The following MLKL variants were observed in gnomAD, a reference collection of about 807,000 sequenced individuals.
MLKL encodes the protein mixed lineage kinase domain-like protein.
MLKL carries 55 observed loss-of-function variants against 56.5 expected under a neutral mutation model. The ratio of observed to expected loss-of-function variants is 0.97; its 90% CI spans 0.78 to 1.22. MLKL has a LOEUF of 1.22. MLKL is among the 50% of genes most tolerant of loss of function. The pLI is 0.00. For synonymous variants in MLKL, 251 were observed against 208.3 expected (o/e 1.20, Z -1.76); for missense variants, 694 against 573.9 (o/e 1.21, Z -2.14).
At chr16:74,678,063 G>A (rs1170888895) in intron 7 of MLKL, 2 of 152,284 alleles carry the variant, frequency 1.3e-5, no homozygotes, top group East Asian at 3.8e-4. Context: ...CAGAGATGCT[G>A]ACTCCTGCAG....
chr16:74,679,763 C>G (rs949784352), intron 6 of MLKL, among the ~76,000 whole-genome samples: 1 of 151,864 alleles, frequency 6.6e-6, no homozygotes, highest in Non-Finnish European at 1.5e-5. Context: ...TGCAGTGAGC[C>G]GAGATCACGC....
intron 5 of MLKL, among the ~76,000 whole-genome samples, chr16:74,683,455 G>T (rs979429217): frequency 6.6e-6 from 1 of 151,792 alleles, no homozygotes; most frequent in Non-Finnish European, 1.5e-5. Flanking sequence ...AATTAGCCAG[G>T]TGTGGTGGGA....
chr16:74,681,864 A>G (rs1013311745), intron 6 of MLKL, among the ~76,000 whole-genome samples: 1 of 152,146 alleles, frequency 6.6e-6, no homozygotes, highest in Non-Finnish European at 1.5e-5. Flanking sequence ...TAAGCAATGA[A>G]TATATAGATT....
chr16:74,680,608 G>A lies in MLKL; in HGVS notation c.957-1628C>T, dbSNP rs545891123. On this transcript the variant is annotated intron_variant, in intron 6 of 10. Coordinates refer to ENST00000308807, the MANE Select transcript of MLKL (RefSeq NM_152649.4). ...TGCAACCTCTGCCTCCCAGGTTCAA[G>A]CGATTCTCCTGCCTCAGCCTTACGA... Among the ~76,000 whole-genome samples, 49 of 152,260 alleles carry A rather than the reference G, an allele frequency of 3.2e-4. No individual in the cohort carries two copies. The South Asian group carries it at 9.7e-3, about 30-fold the overall frequency.
In MLKL at chr16:74,675,745, C is replaced by T. The variant is rs1396312276; in HGVS notation, c.1058G>A (p.Arg353Lys). The T allele has an allele frequency of 1.9e-6, 3 of 1,614,036 alleles. No individual in the cohort carries two copies. Among genetic ancestry groups the T allele is most frequent in the Non-Finnish European group, 2.5e-6 (3 of 1,180,020 alleles). ...CAAACTCATGGAAGTCTGTGTTTTCCTCAACTCAAATCCTGCAAGCTAGAT... is the reference window on the plus strand; with the variant it reads ...CAAACTCATGGAAGTCTGTGTTTTCTTCAACTCAAATCCTGCAAGCTAGAT... Reference protein sequence around the residue: ...YQVKLAGFELRKTQTSMSLGT... With the variant: ...YQVKLAGFELKKTQTSMSLGT... Residue 353 changes from arginine to lysine, a missense_variant, in exon 8 of 11, where the codon AGG becomes AAG. Transcript: ENST00000308807.
intron 1 of MLKL, among the ~76,000 whole-genome samples, chr16:74,698,054 A>C (rs1961155128): frequency 6.6e-6 from 1 of 151,182 alleles, no homozygotes; most frequent in Non-Finnish European, 1.5e-5. Flanking sequence ...AAAATACAAA[A>C]ATTTGCTGGA....
In MLKL at chr16:74,682,747, T is replaced by G. The variant is rs1215178196; in HGVS notation, c.860A>C (p.Glu287Ala). The change falls in exon 6 of 11, where the codon GAA (glutamate) becomes GCA (alanine). Residue 287 changes from glutamate to alanine, a missense_variant. Physicochemically the swap from Glu to Ala is moderately radical, Grantham distance 107 (BLOSUM62 -1). Transcript: ENST00000308807. ...CAACAGCTCCCTCAGGGTCCCGAGT[T>G]CACAGTACTCCATGACAATGGAGAA... ...PQFSIVMEYCELGTLRELLDR... is the reference protein window; with the variant it reads ...PQFSIVMEYCALGTLRELLDR... The G allele has an allele frequency of 3.7e-6, 6 of 1,613,980 alleles. No individual in the cohort carries two copies. The highest frequency in any genetic ancestry group is 4.5e-5 in the East Asian group (2 of 44,886).
chr16:74,678,026 T>A (rs1959709288), intron 7 of MLKL: 1 of 152,276 alleles, frequency 6.6e-6, no homozygotes, highest in Non-Finnish European at 1.5e-5. Context: ...GCAGAAACAC[T>A]GGAAGGCATG....
rs762558431 is a variant in MLKL at position 74,692,393 on chromosome 16, G to C, written c.484C>G (p.Leu162Val). 6.2e-7 allele frequency: 1 copy of C among 1,613,594 alleles called. No homozygotes were observed. The highest frequency in any genetic ancestry group is 8.5e-7 in the Non-Finnish European group (1 of 1,179,844). Reference protein sequence around the residue: ...RRDNEKIEASLRRLEINMKEI... With the variant: ...RRDNEKIEASVRRLEINMKEI... The stretch of plus-strand genomic sequence containing the variant: ...TTCATGTTGATTTCTAATCGTCTCA[G>C]TGAAGCTTCTATTTTTTCATTATCT... The change falls in exon 3 of 11, where the codon CTG (leucine) becomes GTG (valine). Residue 162 changes from leucine to valine, a missense_variant. Physicochemically the swap from Leu to Val is conservative, Grantham distance 32. Coordinates refer to ENST00000308807, the MANE Select transcript of MLKL (RefSeq NM_152649.4).
chr16:74,684,431 G>GAA (rs66482612), intron 5 of MLKL, among the ~76,000 whole-genome samples: 1,306 of 112,700 alleles, frequency 0.012, 19 homozygotes, highest in Middle Eastern at 0.026. Flanking sequence ...GGGAAAAAAA[G>GAA]AAAAAAAAAA....
Position 74,695,747 on chromosome 16 carries a change from A to C in MLKL, c.11T>G (p.Leu4Trp), listed in dbSNP as rs1458315561. MEN[L>W]KHIITLGQVI... ...CTGGCCAAGGGTGATAATATGCTTC[A>C]AATTTTCCATGCCTGGAAGAAATGA... The change falls in exon 2 of 11, where the codon TTG becomes TGG. Residue 4 changes from leucine to tryptophan, a missense_variant. Coordinates refer to ENST00000308807, the MANE Select transcript of MLKL (RefSeq NM_152649.4). 1.3e-6 allele frequency: 2 copies of C among 1,586,414 alleles called. No homozygotes were observed. The highest frequency in any genetic ancestry group is 1.8e-5 in the Admixed American group (1 of 54,926).
chr16:74,686,473 CTTGGGAGGCTGAGGCAGGAGAACGGCGTG>C (rs1960335801), intron 4 of MLKL, among the ~76,000 whole-genome samples: 1 of 152,236 alleles, frequency 6.6e-6, no homozygotes, highest in East Asian at 1.9e-4. Context: ...GCCCCAGCTA[CTTGGGAGGCTGAGGCAGGAGAACGGCGTG>C]AACCCAGGAG....
intron 7 of MLKL, chr16:74,676,636 G>A (rs778140725): frequency 8.6e-5 from 21 of 244,716 alleles, no homozygotes; most frequent in Non-Finnish European, 1.2e-4. Context: ...TGTTTTGGGA[G>A]TACTTATATC....
rs35430251 is a variant in MLKL, at chr16:74,691,384, C to T, written c.615G>A (p.Pro205=). The stretch of plus-strand genomic sequence containing the variant: ...CTTCATTTTCCCTTAGCAGAATCCA[C>T]GGGGATCCTGAAAGCTGCTCCTTCT... ...EIKKEQLSGS[P]WILLRENEVS... Residue 205 remains proline, a synonymous_variant, in exon 4 of 11, where the codon CCG becomes CCA. Coordinates refer to ENST00000308807, the MANE Select transcript of MLKL (RefSeq NM_152649.4). 36,289 of 1,614,012 alleles carry T rather than the reference C, an allele frequency of 0.022. 464 individuals carry two copies. Among genetic ancestry groups the T allele is most frequent in the Non-Finnish European group, 0.027 (31,632 of 1,179,962 alleles).
chr16:74,673,552 T>C (rs1226310850), intron 10 of MLKL, among the ~76,000 whole-genome samples: 1 of 151,868 alleles, frequency 6.6e-6, no homozygotes, highest in Non-Finnish European at 1.5e-5. Flanking sequence ...GTGGAAAGTC[T>C]GGGAGATTTA....
At chr16:74,681,107 C>A (rs2144484388) in intron 6 of MLKL, among the ~76,000 whole-genome samples, 1 of 152,262 alleles carries the variant, frequency 6.6e-6, no homozygotes, top group Non-Finnish European at 1.5e-5. Flanking sequence ...TCATTGAAAC[C>A]TCCGCCTCCT....
intron 2 of MLKL, among the ~76,000 whole-genome samples, 167 bp from the exon 3 acceptor site, chr16:74,692,583 C>T (rs1044975583): frequency 3.3e-5 from 5 of 152,192 alleles, no homozygotes; most frequent in African/African-American, 7.2e-5. Context: ...CTTCTGAGCA[C>T]ATAGGAAATG....
In MLKL at chr16:74,691,137, C is replaced by T. The variant is rs527762769; in HGVS notation, c.722+140G>A. The stretch of plus-strand genomic sequence containing the variant: ...AAGATGTATTTAAGTCAAGACTCTG[C>T]TCCTTAACAGTGGAGAGCACATAAT... On this transcript the variant is annotated intron_variant, in intron 4 of 10. Transcript: ENST00000308807. 3.7e-5 allele frequency: 25 copies of T among 673,884 alleles called. No individual in the cohort carries two copies. The African/African-American group carries it at 4.0e-4, about 11-fold the overall frequency. The allele number at this position is 673,884 out of a possible 1,614,324, so 41.7% of individuals were successfully genotyped here. A position where few individuals can be genotyped will look rare whatever the true frequency, so the allele number is the denominator to read the frequency against.
chr16:74,685,267 A>G (rs950089308), intron 5 of MLKL, among the ~76,000 whole-genome samples: 8 of 152,132 alleles, frequency 5.3e-5, no homozygotes, highest in African/African-American at 1.9e-4. Flanking sequence ...AGATGTGGCC[A>G]TGTTAGTGCA....
Sources: allele counts gnomAD v4.1 joint callset (sites outside exome capture counted in the v4.1 genomes callset), GRCh38; gene constraint gnomAD v4.1.1; transcripts MANE v1.5; gene names NCBI Gene and HGNC (gene_info 2026-07-23, HGNC 2026-07-21).